The following SHROOM4 variants were observed in gnomAD, a reference collection of about 807,000 sequenced individuals.
SHROOM4 encodes protein Shroom4.
A neutral mutation model predicts 80.3 loss-of-function variants in SHROOM4; 17 were observed. That is an observed-to-expected ratio of 0.21 (90% confidence interval 0.14 to 0.32). The LOEUF (loss-of-function observed/expected upper bound fraction) is 0.32. Among genes scored for constraint, SHROOM4 ranks in the 10% least tolerant of loss-of-function variants. SHROOM4 has a pLI of 1.00. For synonymous variants in SHROOM4, 400 were observed against 437.5 expected (o/e 0.91, Z 1.07); for missense variants, 993 against 1,140.3 (o/e 0.87, Z 1.86).
At chrX:50,772,553 G>T (rs1444309331) in intron 1 of SHROOM4, among the ~76,000 whole-genome samples, 3 of 111,126 alleles carry the variant, frequency 2.7e-5, no homozygotes, top group Non-Finnish European at 5.7e-5. Flanking sequence ...TCAAAACAAT[G>T]TATCAAAGCC....
At chrX:50,731,959 T>C (rs1194617945) in intron 1 of SHROOM4, among the ~76,000 whole-genome samples, 6 of 111,674 alleles carry the variant, frequency 5.4e-5, no homozygotes, top group African/African-American at 9.8e-5. Context: ...CAGGAGAGAA[T>C]TGGAGAATAA....
chrX:50,618,257 T>G (rs1317947933), intron 5 of SHROOM4, among the ~76,000 whole-genome samples: 1 of 107,345 alleles, frequency 9.3e-6, no homozygotes, highest in African/African-American at 3.4e-5. Flanking sequence ...TCTGGTTTCT[T>G]TCTTTTCTTC....
At chrX:50,794,343 G>T (rs2147708645) in intron 1 of SHROOM4, among the ~76,000 whole-genome samples, 1 of 110,808 alleles carries the variant, frequency 9.0e-6, no homozygotes, top group Admixed American at 9.7e-5. Flanking sequence ...AGCCTGTCTG[G>T]GTAGTAAATC....
chrX:50,596,140 C>T lies in SHROOM4; in HGVS notation c.*555G>A, dbSNP rs909758422. 10 of 328,648 alleles carry T rather than the reference C, an allele frequency of 3.0e-5. No individual in the cohort carries two copies. Among genetic ancestry groups the T allele is most frequent in the Non-Finnish European group, 5.3e-5 (9 of 169,944 alleles). The allele number at this position is 328,648 out of a possible 1,213,427, so 27.1% of individuals were successfully genotyped here. A position where few individuals can be genotyped will look rare whatever the true frequency, so the allele number is the denominator to read the frequency against. ...CCTTCCTAAGGGGCACCTGGGGGTACTCAACCTTTGCTTGCATTTTTTTCA... is the reference window on the plus strand; with the variant it reads ...CCTTCCTAAGGGGCACCTGGGGGTATTCAACCTTTGCTTGCATTTTTTTCA... On this transcript the variant is annotated 3_prime_UTR_variant, in exon 9 of 9. Transcript: ENST00000376020.
chrX:50,701,145 G>A (rs1219793581), intron 1 of SHROOM4, among the ~76,000 whole-genome samples: 2 of 111,634 alleles, frequency 1.8e-5, no homozygotes, highest in African/African-American at 6.5e-5. Flanking sequence ...CACAACAAAG[G>A]CCGTCTAAGC....
chrX:50,794,432 C>CA (rs782076393), intron 1 of SHROOM4, among the ~76,000 whole-genome samples: 9 of 109,008 alleles, frequency 8.3e-5, no homozygotes, highest in Non-Finnish European at 1.7e-4. Flanking sequence ...AACTCATTTA[C>CA]AAAATACACA....
chrX:50,711,699 G>A (rs12393588), intron 1 of SHROOM4, among the ~76,000 whole-genome samples: 6,429 of 111,905 alleles, frequency 0.057, 449 homozygotes, highest in African/African-American at 0.2. Flanking sequence ...AACAAGTATA[G>A]CAGGAATAGA....
intron 2 of SHROOM4, among the ~76,000 whole-genome samples, chrX:50,652,473 C>T (rs1932136719): frequency 9.0e-6 from 1 of 111,044 alleles, no homozygotes; most frequent in African/African-American, 3.3e-5. Context: ...GGATATTAGC[C>T]CTTTGTCAGA....
chrX:50,634,446 T>A lies in SHROOM4; in HGVS notation c.1627A>T (p.Thr543Ser), dbSNP rs61748324. 3.5e-3 allele frequency: 4,196 copies of A among 1,209,659 alleles called. 92 individuals are homozygous for A. The African/African-American group carries it at 0.058, about 17-fold the overall frequency. Reference sequence around the variant, plus strand: ...TCTGTGCCACTAGCTGCTTTAGTGGTTGAAGAACAGTCCGTGGCTTGTTGA... The same window carrying A: ...TCTGTGCCACTAGCTGCTTTAGTGGATGAAGAACAGTCCGTGGCTTGTTGA... ...LVQQATDCSS[T>S]TKAASGTEAG... Residue 543 changes from threonine (T) to serine (S), a missense_variant, in exon 4 of 9, where the codon ACC becomes TCC. By Grantham distance (58) the Thr-to-Ser change is moderately conservative (BLOSUM62 1). Coordinates refer to ENST00000376020, the MANE Select transcript of SHROOM4 (RefSeq NM_020717.5).
At chrX:50,795,516 T>C (rs980858920) in intron 1 of SHROOM4, among the ~76,000 whole-genome samples, 6 of 110,962 alleles carry the variant, frequency 5.4e-5, no homozygotes, top group Non-Finnish European at 1.1e-4. Flanking sequence ...AGAAAGAACA[T>C]GGTGAGCACC....
In SHROOM4 at chrX:50,590,256, C is replaced by CT. The variant is rs201346652; in HGVS notation, c.*6438dup. Among the ~76,000 whole-genome samples, 511 of 110,333 alleles carry CT rather than the reference C, an allele frequency of 4.6e-3. 3 individuals are homozygous for CT. The highest frequency in any genetic ancestry group is 0.014 in the Middle Eastern group (3 of 214). The stretch of plus-strand genomic sequence containing the variant: ...GAAGGGGAAGAGACCAGATCCCTTT[C>CT]TTTTTTTTGAGACAGAATCTCGCTC... On this transcript the variant is annotated 3_prime_UTR_variant, in exon 9 of 9. Transcript: ENST00000376020.
intron 5 of SHROOM4, among the ~76,000 whole-genome samples, chrX:50,617,058 C>A (rs1930271433): frequency 8.9e-6 from 1 of 111,903 alleles, no homozygotes; most frequent in Non-Finnish European, 1.9e-5. Context: ...TTTCTTCTTC[C>A]CTAACCAGGG....
chrX:50,704,823 C>T (rs1311101411), intron 1 of SHROOM4, among the ~76,000 whole-genome samples: 1 of 110,927 alleles, frequency 9.0e-6, no homozygotes, highest in Non-Finnish European at 1.9e-5. Flanking sequence ...CACCTGCATG[C>T]CACTCCCAGA....
At chrX:50,809,431 G>T (rs1172685944) in intron 1 of SHROOM4, among the ~76,000 whole-genome samples, 2 of 112,383 alleles carry the variant, frequency 1.8e-5, no homozygotes, top group Middle Eastern at 4.7e-3. Flanking sequence ...AAAACAACTT[G>T]ATGAGCATGC....
At chrX:50,733,867 A>G (rs1221947721) in intron 1 of SHROOM4, among the ~76,000 whole-genome samples, 2 of 112,001 alleles carry the variant, frequency 1.8e-5, no homozygotes, top group Non-Finnish European at 3.8e-5. Context: ...TTATATATAG[A>G]AAATCCTAAG....
intron 1 of SHROOM4, among the ~76,000 whole-genome samples, chrX:50,790,879 C>A (rs1205002121): frequency 9.0e-6 from 1 of 111,447 alleles, no homozygotes; most frequent in African/African-American, 3.3e-5. Context: ...AGATCAGGAA[C>A]AAGGCAAAAA....
chrX:50,779,338 A>G (rs1280175399), intron 1 of SHROOM4, among the ~76,000 whole-genome samples: 1 of 112,397 alleles, frequency 8.9e-6, no homozygotes, highest in African/African-American at 3.2e-5. Context: ...CGAAGATGTA[A>G]TATAGAATGA....
rs782339635 is a variant in SHROOM4, at chrX:50,696,449, C to T, written c.118-512G>A. Among the ~76,000 whole-genome samples, 6 of 111,675 alleles carry T rather than the reference C, an allele frequency of 5.4e-5. No individual in the cohort carries two copies. The Admixed American group carries it at 5.7e-4, about 11-fold the overall frequency. ...ACATCTGTGTCTCAATTCCCTCCTA[C>T]GTGACATGTAGATAACAAGACTAGC... is the stretch of plus-strand genomic sequence containing the variant. On this transcript the variant is annotated intron_variant, in intron 1 of 8. Coordinates refer to ENST00000376020, the MANE Select transcript of SHROOM4 (RefSeq NM_020717.5).
chrX:50,639,370 T>C (rs932105626), intron 2 of SHROOM4, among the ~76,000 whole-genome samples: 1 of 107,499 alleles, frequency 9.3e-6, no homozygotes, highest in African/African-American at 3.4e-5. Context: ...GGAGAGATGA[T>C]AGAGGGGAAA....
Sources: gnomAD v4.1 joint callset for allele counts (sites outside exome capture counted in the v4.1 genomes callset) on GRCh38, gnomAD v4.1.1 for gene constraint, MANE v1.5 for transcripts, NCBI Gene and HGNC (gene_info 2026-07-23, HGNC 2026-07-21) for gene names.